The following B3GALNT2 variants were observed in gnomAD, a reference collection of about 807,000 sequenced individuals.
B3GALNT2 encodes UDP-GalNAc:beta-1,3-N-acetylgalactosaminyltransferase 2.
A neutral mutation model predicts 61.1 loss-of-function variants in B3GALNT2; 53 were observed. The observed-to-expected ratio is 0.87, with a 90% confidence interval of 0.70 to 1.09. The LOEUF is 1.09. B3GALNT2 is among the 50% of genes least tolerant of loss of function. B3GALNT2 has a pLI of 0.00. For missense variants in B3GALNT2, 544 were observed against 623.0 expected, an observed-to-expected ratio of 0.87 and a Z score of 1.35; for synonymous variants, 223 against 237.4, an observed-to-expected ratio of 0.94 and a Z score of 0.56.
intron 1 of B3GALNT2, among the ~76,000 whole-genome samples, chr1:235,501,796 G>T (rs1256910839): frequency 1.3e-5 from 2 of 152,130 alleles, no homozygotes; most frequent in East Asian, 1.9e-4. Flanking sequence ...TTCAAGAAAA[G>T]AATACTTAGC....
In B3GALNT2 at chr1:235,458,611, GA is replaced by G; in HGVS notation, c.1016del (p.Phe339SerfsTer15). 6.2e-7 allele frequency: 1 copy of G among 1,600,296 alleles called. No homozygotes were observed. Among genetic ancestry groups the G allele is most frequent in the Non-Finnish European group, 8.5e-7 (1 of 1,175,638 alleles). On this transcript the variant is annotated frameshift_variant, in exon 8 of 12. Transcript: ENST00000366600. LOFTEE classifies it high-confidence loss of function. ...ACATTTTTACAACCTACCATCTATA[GA>G]AGTTCAATAATTTTGCAGGAACATT... Reference protein sequence around the residue: ...YRNVPAKLLNFYRWTVETTSF... With the variant: ...YRNVPAKLLNXYRWTVETTSF...
intron 6 of B3GALNT2, among the ~76,000 whole-genome samples, chr1:235,468,602 G>A (rs532972491): frequency 1.1e-4 from 17 of 151,780 alleles, no homozygotes; most frequent in African/African-American, 3.1e-4. Flanking sequence ...ACAGGCACCC[G>A]CCACCACAGC....
intron 3 of B3GALNT2, chr1:235,484,720 C>T: frequency 1.1e-6 from 1 of 901,518 alleles, no homozygotes; most frequent in Non-Finnish European, 1.6e-6. Flanking sequence ...AGTTTTCAGC[C>T]ACATCTAAGT....
At chr1:235,483,704 T>C (rs1251592969) in intron 4 of B3GALNT2, among the ~76,000 whole-genome samples, 2 of 152,188 alleles carry the variant, frequency 1.3e-5, no homozygotes, top group Non-Finnish European at 2.9e-5. Context: ...TTAATTGTTG[T>C]AGAATGTAGT....
Position 235,458,668 on chromosome 1 carries a change from A to G in B3GALNT2, c.960T>C (p.Ile320=). The G allele has an allele frequency of 5.0e-6, 8 of 1,613,186 alleles. No homozygotes were observed. The highest frequency in any genetic ancestry group is 5.9e-6 in the Non-Finnish European group (7 of 1,179,662). Residue 320 remains isoleucine, a synonymous_variant, in exon 8 of 12, where the codon ATT becomes ATC. Coordinates refer to ENST00000366600, the MANE Select transcript of B3GALNT2 (RefSeq NM_152490.5). ...AAGTGTCGACAACATCCACAAAAAC[A>G]ATATCATCATAGATGCTGCTTTCCT... ...LKEESSIYDD[I]VFVDVVDTYR...
chr1:235,453,173 G>A, intron 10 of B3GALNT2, 27 bp from the exon 11 acceptor site: 1 of 1,590,770 alleles, frequency 6.3e-7, no homozygotes, highest in Non-Finnish European at 8.6e-7. Context: ...AAGTTTAAAT[G>A]TAAAAATTTT....
chr1:235,494,893 T>C (rs1685245490), intron 1 of B3GALNT2, 65 bp from the exon 2 acceptor site: 7 of 1,362,430 alleles, frequency 5.1e-6, no homozygotes, highest in Middle Eastern at 1.9e-4. Flanking sequence ...TCAATATGTA[T>C]CATAAGTTTA....
chr1:235,486,951 G>A (rs749159985), intron 3 of B3GALNT2, among the ~76,000 whole-genome samples: 2 of 151,926 alleles, frequency 1.3e-5, no homozygotes, highest in Non-Finnish European at 2.9e-5. Flanking sequence ...GGTGGATCAC[G>A]TGAGGTCAGG....
rs1361643743 is a variant in B3GALNT2 at position 235,448,259 on chromosome 1, T to C, written c.*1947A>G. The C allele has an allele frequency of 1.4e-5, 13 of 958,220 alleles. No individual in the cohort carries two copies. Among genetic ancestry groups the C allele is most frequent in the Admixed American group, 3.4e-5 (2 of 58,580 alleles). 59.4% of individuals were successfully genotyped at this position (958,220 alleles called of 1,614,324 possible). A position where few individuals can be genotyped will look rare whatever the true frequency, so the allele number is the denominator to read the frequency against. On this transcript the variant is annotated 3_prime_UTR_variant, in exon 12 of 12. Coordinates refer to ENST00000366600, the MANE Select transcript of B3GALNT2 (RefSeq NM_152490.5). ...AAAAAAAGACAGATACAGCTATCAT[T>C]GCAATGATACTGTGGTCTCATCACA...
chr1:235,461,076 A>T (rs1160144079), intron 7 of B3GALNT2, among the ~76,000 whole-genome samples: 1 of 152,206 alleles, frequency 6.6e-6, no homozygotes, highest in Non-Finnish European at 1.5e-5. Flanking sequence ...TTAAAGAAAA[A>T]TTTTGAAAAA....
the B3GALNT2 span, among the ~76,000 whole-genome samples, chr1:235,440,453 C>T: frequency 3.3e-5 from 5 of 151,942 alleles, no homozygotes; most frequent in Non-Finnish European, 5.9e-5. Flanking sequence ...AGTCCAATGG[C>T]GCGATCTCGG....
chr1:235,470,638 A>G (rs943248146), intron 6 of B3GALNT2, among the ~76,000 whole-genome samples: 13 of 152,128 alleles, frequency 8.5e-5, no homozygotes, highest in African/African-American at 2.9e-4. Context: ...TCTTAAAGCA[A>G]AACTGTAAAC....
the B3GALNT2 span, among the ~76,000 whole-genome samples, chr1:235,440,139 T>A: frequency 4.0e-5 from 6 of 151,870 alleles, no homozygotes; most frequent in Non-Finnish European, 7.4e-5. Context: ...CCCGGCTAAT[T>A]TTTTGTATTT....
At chr1:235,487,345 C>T (rs1204303073) in intron 3 of B3GALNT2, among the ~76,000 whole-genome samples, 1 of 152,146 alleles carries the variant, frequency 6.6e-6, no homozygotes, top group Admixed American at 6.5e-5. Flanking sequence ...GTTTGAAACC[C>T]AGCTTTATAA....
chr1:235,481,773 G>A (rs1264945631), intron 4 of B3GALNT2, among the ~76,000 whole-genome samples: 1 of 152,048 alleles, frequency 6.6e-6, no homozygotes, highest in Non-Finnish European at 1.5e-5. Flanking sequence ...TTGATCTTCA[G>A]TATCAATGAA....
At chr1:235,476,152 A>G (rs1684267497) in intron 5 of B3GALNT2, among the ~76,000 whole-genome samples, 1 of 152,232 alleles carries the variant, frequency 6.6e-6, no homozygotes, top group Non-Finnish European at 1.5e-5. Context: ...TCATGCCTGT[A>G]ATCCCAGCAC....
intron 1 of B3GALNT2, among the ~76,000 whole-genome samples, chr1:235,495,417 G>A (rs951938670): frequency 1.3e-5 from 2 of 152,126 alleles, no homozygotes; most frequent in African/African-American, 4.8e-5. Context: ...GGATGACGCT[G>A]AAGGACTTCC....
At chr1:235,473,242 A>C (rs77445438) in intron 5 of B3GALNT2, among the ~76,000 whole-genome samples, 7,088 of 152,294 alleles carry the variant, frequency 0.047, 394 homozygotes, top group African/African-American at 0.13. Flanking sequence ...TTTTAAAATA[A>C]ATAATATTTT....
At chr1:235,495,814 CTT>C (rs1685292978) in intron 1 of B3GALNT2, among the ~76,000 whole-genome samples, 1 of 152,062 alleles carries the variant, frequency 6.6e-6, no homozygotes, top group Non-Finnish European at 1.5e-5. Context: ...AGCCCAGACT[CTT>C]TACTATATTA....
Sources: gnomAD v4.1 joint callset for allele counts (sites outside exome capture counted in the v4.1 genomes callset) on GRCh38, gnomAD v4.1.1 for gene constraint, MANE v1.5 for transcripts, NCBI Gene and HGNC (gene_info 2026-07-23, HGNC 2026-07-21) for gene names.